Variants in PTPN5 observed in about 807,000 individuals in gnomAD.
PTPN5 encodes tyrosine-protein phosphatase non-receptor type 5.
Under a neutral mutation model 73.9 loss-of-function variants are expected in PTPN5, and 29 were observed. That is an observed-to-expected ratio of 0.39 (90% CI 0.29 to 0.54). The LOEUF is 0.54. PTPN5 is among the 20% of genes least tolerant of loss of function. The pLI is 0.65. For synonymous variants in PTPN5, 267 were observed against 304.7 expected, an observed-to-expected ratio of 0.88 and a Z score of 1.29; for missense variants, 652 against 751.4, an observed-to-expected ratio of 0.87 and a Z score of 1.55.
intron 2 of PTPN5, 77 bp from the exon 3 acceptor site, chr11:18,765,960 G>C: frequency 9.4e-7 from 1 of 1,061,500 alleles, no homozygotes; most frequent in Non-Finnish European, 1.4e-6. Flanking sequence ...AGATAAGAAG[G>C]CTCCCTCTCC....
intron 3 of PTPN5, among the ~76,000 whole-genome samples, chr11:18,755,081 G>T (rs941540941): frequency 7.2e-5 from 11 of 152,168 alleles, no homozygotes; most frequent in African/African-American, 2.4e-4. Context: ...TTGCTCCCTC[G>T]TGTGCTCTCT....
chr11:18,745,105 T>C (rs750768705), intron 3 of PTPN5, among the ~76,000 whole-genome samples: 9 of 152,234 alleles, frequency 5.9e-5, no homozygotes, highest in Non-Finnish European at 1.3e-4. Context: ...ATGGGGATTC[T>C]AGCTGCGGCC....
Position 18,742,457 on chromosome 11 carries a change from G to A in PTPN5, c.530C>T (p.Pro177Leu). ...CACTGACTGGCGCCTGTCCTCAGGG[G>A]GCAGTGGGGTGGGTGGCTCTGGGGG... ...RTPPEPPTPL[P>L]PEDRRQSVSR... The change falls in exon 7 of 15, where the codon CCC becomes CTC. Residue 177 changes from proline to leucine, a missense_variant. By Grantham distance (98) the Pro-to-Leu change is moderately conservative (BLOSUM62 -3). Coordinates refer to ENST00000358540, the MANE Select transcript of PTPN5 (RefSeq NM_006906.2). This position sits in a 1 kb window ranked among gnomAD's most constrained non-coding sequence, Gnocchi z 4.1. 2.5e-6 allele frequency: 4 copies of A among 1,614,102 alleles called. No homozygotes were observed. The highest frequency in any genetic ancestry group is 3.4e-6 in the Non-Finnish European group (4 of 1,180,018).
At chr11:18,766,508 A>T (rs916819382) in intron 2 of PTPN5, among the ~76,000 whole-genome samples, 1 of 152,228 alleles carries the variant, frequency 6.6e-6, no homozygotes, top group African/African-American at 2.4e-5. Context: ...GAATAGCTAG[A>T]AAAAGTAGTT....
At chr11:18,782,782 CAT>C (rs1450937663) in intron 1 of PTPN5, among the ~76,000 whole-genome samples, 1 of 152,160 alleles carries the variant, frequency 6.6e-6, no homozygotes, top group Admixed American at 6.5e-5. Context: ...ACCTGAAGAA[CAT>C]GTGTGAGCAT....
chr11:18,732,532 G>T, intron 12 of PTPN5, 60 bp downstream of exon 12: 1 of 1,254,118 alleles, frequency 8.0e-7, no homozygotes, highest in Non-Finnish European at 1.2e-6. Context: ...TCTCTGTGGA[G>T]CCCCCAGTTA....
At chr11:18,770,017 G>C (rs1340546316) in intron 2 of PTPN5, among the ~76,000 whole-genome samples, 2 of 152,136 alleles carry the variant, frequency 1.3e-5, no homozygotes, top group Non-Finnish European at 2.9e-5. Flanking sequence ...TCTCACACCT[G>C]GTCTGGCTGG....
intron 3 of PTPN5, among the ~76,000 whole-genome samples, chr11:18,759,780 G>A (rs1340285625): frequency 1.3e-5 from 2 of 152,070 alleles, no homozygotes; most frequent in Non-Finnish European, 2.9e-5. Context: ...GACAGCTACC[G>A]GTGACATCTC....
intron 1 of PTPN5, among the ~76,000 whole-genome samples, chr11:18,777,239 C>G (rs929385691): frequency 9.2e-5 from 14 of 152,214 alleles, no homozygotes; most frequent in Non-Finnish European, 2.1e-4. Context: ...CAGTATGAAT[C>G]AAGGCTCCCC....
chr11:18,743,132 T>C (rs1448473057), intron 5 of PTPN5, 57 bp from the exon 6 acceptor site: 14 of 1,331,722 alleles, frequency 1.1e-5, no homozygotes, highest in Non-Finnish European at 1.4e-5. Flanking sequence ...TTCTCAGCTC[T>C]TGCAATGATG....
rs1848981835 is a variant in PTPN5 at position 18,733,435 on chromosome 11, C to T, written c.1081-63G>A. The T allele has an allele frequency of 1.9e-6, 3 of 1,609,480 alleles. No individual in the cohort carries two copies. Reference sequence around the variant, plus strand: ...CAGTGCTCCCAGGACCCCATCCCCACACTCAGGCTCTTCACAGGAGCTGGC... The same window carrying T: ...CAGTGCTCCCAGGACCCCATCCCCATACTCAGGCTCTTCACAGGAGCTGGC... On this transcript the variant is annotated intron_variant, in intron 10 of 14. Transcript: ENST00000358540. The surrounding 1 kb of genome is among the most constrained non-coding windows in gnomAD (Gnocchi z 4.3).
intron 9 of PTPN5, among the ~76,000 whole-genome samples, chr11:18,737,554 T>C (rs1229315380): frequency 6.6e-6 from 1 of 152,190 alleles, no homozygotes; most frequent in Non-Finnish European, 1.5e-5. Flanking sequence ...TTCCTTAAAA[T>C]CTGCCCACTC....
intron 3 of PTPN5, among the ~76,000 whole-genome samples, chr11:18,764,147 A>G (rs1850524879): frequency 6.6e-6 from 1 of 152,156 alleles, no homozygotes; most frequent in South Asian, 2.1e-4. Context: ...TTGTCTATCT[A>G]TCTAGTACTT....
At position 18,771,852 on chromosome 11, in the gene PTPN5, G is replaced by T. The variant is rs4075663; in HGVS notation, c.20+87C>A. The T allele has an allele frequency of 3.6e-6, 4 of 1,103,370 alleles. No individual in the cohort carries two copies. The East Asian group carries it at 9.8e-5, about 27-fold the overall frequency. The allele number at this position is 1,103,370 out of a possible 1,614,324, so 68.3% of individuals were successfully genotyped here. On this transcript the variant is annotated intron_variant, in intron 2 of 14. Transcript: ENST00000358540. ...TCAGGCTGAACACCTCATGAGAATGGGTCACGTGTCCCAGAGCATCCAGAT... is the reference window on the plus strand; with the variant it reads ...TCAGGCTGAACACCTCATGAGAATGTGTCACGTGTCCCAGAGCATCCAGAT...
In PTPN5 at chr11:18,775,822, T is replaced by G. The variant is rs1851122593; in HGVS notation, c.-113-3751A>C. Among the ~76,000 whole-genome samples, 4 of 152,208 alleles carry G rather than the reference T, an allele frequency of 2.6e-5. No homozygotes were observed. The South Asian group carries it at 8.3e-4, about 32-fold the overall frequency. On this transcript the variant is annotated intron_variant, in intron 1 of 14. Transcript: ENST00000358540. ...AGAGGTCAGGCTTCAATTCCAGGCC[T>G]GTCAGGTTTAACGAGGCAGAGGGTG... is the stretch of plus-strand genomic sequence containing the variant.
Position 18,744,215 on chromosome 11 carries a change from C to G in PTPN5, c.98-16G>C. On this transcript the variant is annotated splice_polypyrimidine_tract_variant and intron_variant, in intron 3 of 14. Coordinates refer to ENST00000358540, the MANE Select transcript of PTPN5 (RefSeq NM_006906.2). ...TGGGGGAGACCTGTGGAAGATGGGC[C>G]ATGCGGGCCGATGACTCCGGCCCTG... is the stretch of plus-strand genomic sequence containing the variant. The G allele has an allele frequency of 6.6e-7, 1 of 1,512,942 alleles. No homozygotes were observed. Among genetic ancestry groups the G allele is most frequent in the Non-Finnish European group, 8.8e-7 (1 of 1,134,312 alleles). The allele number at this position is 1,512,942 out of a possible 1,614,324, so 93.7% of individuals were successfully genotyped here. A position where few individuals can be genotyped will look rare whatever the true frequency, so the allele number is the denominator to read the frequency against.
chr11:18,775,640 T>C (rs1851113500), intron 1 of PTPN5, among the ~76,000 whole-genome samples: 2 of 152,288 alleles, frequency 1.3e-5, no homozygotes, highest in East Asian at 1.9e-4. Flanking sequence ...ATCAGTGCCA[T>C]GACGAATACA....
At position 18,772,147 on chromosome 11, in the gene PTPN5, A is replaced by G. The variant is rs1451591906; in HGVS notation, c.-113-76T>C. The G allele has an allele frequency of 1.5e-5, 8 of 538,306 alleles. No individual in the cohort carries two copies. In the East Asian group the frequency reaches 2.1e-4, roughly 14 times the overall value. The allele number at this position is 538,306 out of a possible 1,614,324, so 33.3% of individuals were successfully genotyped here. A position where few individuals can be genotyped will look rare whatever the true frequency, so the allele number is the denominator to read the frequency against. On this transcript the variant is annotated intron_variant, in intron 1 of 14. Transcript: ENST00000358540. Reference sequence around the variant, plus strand: ...GTGTGCCAACAATTTGCTTTCAGGTAGTTAAAATCCTGATTTCCTTCTGGG... The same window carrying G: ...GTGTGCCAACAATTTGCTTTCAGGTGGTTAAAATCCTGATTTCCTTCTGGG...
At chr11:18,753,850 T>C (rs1850005530) in intron 3 of PTPN5, among the ~76,000 whole-genome samples, 1 of 152,042 alleles carries the variant, frequency 6.6e-6, no homozygotes, top group African/African-American at 2.4e-5. Flanking sequence ...GAGCAAAGGA[T>C]CAGAGTACCA....
Sources: gnomAD v4.1 joint callset for allele counts (sites outside exome capture counted in the v4.1 genomes callset) on GRCh38, gnomAD v4.1.1 for gene constraint, Gnocchi (gnomAD v3.1) non-coding constraint, MANE v1.5 for transcripts, NCBI Gene and HGNC (gene_info 2026-07-23, HGNC 2026-07-21) for gene names.